The following CNTN4 variants were observed in gnomAD, a reference collection of about 807,000 sequenced individuals.
CNTN4 encodes contactin-4.
Under a neutral mutation model 122.5 loss-of-function variants are expected in CNTN4, and 77 were observed. That is an observed-to-expected ratio of 0.63 (90% CI 0.52 to 0.76). The LOEUF is 0.76. CNTN4 is among the 30% of genes least tolerant of loss of function. The pLI, the probability that CNTN4 is intolerant of heterozygous loss-of-function variation, is 0.00. For missense variants in CNTN4, 1,256 were observed against 1,259.1 expected (o/e 1.00, Z 0.04); for synonymous variants, 512 against 447.0 (o/e 1.15, Z -1.83).
intron 7 of CNTN4, among the ~76,000 whole-genome samples, chr3:2,854,268 C>CT (rs56147510): frequency 0.32 from 28,406 of 89,332 alleles, 4,872 homozygotes; most frequent in South Asian, 0.41. Flanking sequence ...CTTTCTTCTT[C>CT]TTTTTTTTTT....
At position 2,326,297 on chromosome 3, in the gene CNTN4, T is replaced by C. The variant is rs1167242590; in HGVS notation, c.-144-12881T>C. ...TTGAAACTGAAACATTGGCTCATCC[T>C]AGGTCTCACACCTGTCAGCCTTCAG... On this transcript the variant is annotated intron_variant, in intron 2 of 24. Transcript: ENST00000418658. Among the ~76,000 whole-genome samples the C allele has an allele frequency of 2.0e-5, 3 of 152,184 alleles. No homozygotes were observed. In the East Asian group the frequency reaches 5.8e-4, roughly 29 times the overall value.
intron 2 of CNTN4, among the ~76,000 whole-genome samples, chr3:2,216,808 T>C (rs1485533100): frequency 6.6e-6 from 1 of 152,158 alleles, no homozygotes; most frequent in African/African-American, 2.4e-5. Context: ...CACTCCATAG[T>C]TACGGCCTCT....
chr3:2,216,193 C>T (rs1452164090), intron 2 of CNTN4, among the ~76,000 whole-genome samples: 5 of 152,146 alleles, frequency 3.3e-5, no homozygotes, highest in African/African-American at 9.7e-5. Flanking sequence ...CACCACGAAA[C>T]ACTATGCAGC....
At chr3:2,546,324 CAAA>C (rs56849200) in intron 3 of CNTN4, among the ~76,000 whole-genome samples, 1 of 138,168 alleles carries the variant, frequency 7.2e-6, no homozygotes. Context: ...ACTATGCAGC[CAAA>C]AAAAAAAAAA....
intron 4 of CNTN4, among the ~76,000 whole-genome samples, chr3:2,602,446 A>G (rs1292427269): frequency 6.6e-6 from 1 of 152,124 alleles, no homozygotes; most frequent in Non-Finnish European, 1.5e-5. Flanking sequence ...CTATACACCA[A>G]TAACAGACAG....
chr3:2,243,270 G>C (rs930860307), intron 2 of CNTN4, among the ~76,000 whole-genome samples: 1 of 152,056 alleles, frequency 6.6e-6, no homozygotes, highest in Non-Finnish European at 1.5e-5. Flanking sequence ...GTAACTGTAT[G>C]TATTTTTCTT....
At chr3:2,274,067 A>C (rs1255950258) in intron 2 of CNTN4, among the ~76,000 whole-genome samples, 2 of 152,114 alleles carry the variant, frequency 1.3e-5, no homozygotes, top group East Asian at 3.9e-4. Flanking sequence ...GGTTCATGTC[A>C]TACCCACATC....
chr3:2,942,634 G>T lies in CNTN4; in HGVS notation c.1358+16855G>T, dbSNP rs76120159. Among the ~76,000 whole-genome samples the T allele has an allele frequency of 5.1e-3, 774 of 152,190 alleles. 1 individual carries two copies. Among genetic ancestry groups the T allele is most frequent in the Non-Finnish European group, 8.4e-3 (569 of 67,996 alleles). On this transcript the variant is annotated intron_variant, in intron 13 of 24. Coordinates refer to ENST00000418658, the MANE Select transcript of CNTN4 (RefSeq NM_175607.3). ...TTTTAATGGTGAAGCTTGATGTAAG[G>T]GTACAGTTGTAAATACTACATCAAT...
chr3:2,762,691 C>A (rs1379349666), intron 6 of CNTN4, among the ~76,000 whole-genome samples: 1 of 152,110 alleles, frequency 6.6e-6, no homozygotes, highest in Non-Finnish European at 1.5e-5. Flanking sequence ...GGTATATACA[C>A]AGTAATGGGA....
At chr3:2,419,455 G>A (rs2047537477) in intron 3 of CNTN4, among the ~76,000 whole-genome samples, 1 of 152,078 alleles carries the variant, frequency 6.6e-6, no homozygotes, top group South Asian at 2.1e-4. Context: ...CCTAGGCAGG[G>A]TACAGAATAA....
chr3:2,403,018 G>T (rs1033444627), intron 3 of CNTN4, among the ~76,000 whole-genome samples: 1 of 151,946 alleles, frequency 6.6e-6, no homozygotes, highest in Admixed American at 6.6e-5. Context: ...TCAAGGTGTC[G>T]GCAGGGTTCG....
intron 24 of CNTN4, 125 bp downstream of exon 24, chr3:3,054,100 AC>A (rs1171166794): frequency 1.0e-5 from 10 of 993,376 alleles, no homozygotes; most frequent in Admixed American, 4.0e-5. Flanking sequence ...GGAGAACACT[AC>A]CCCCCTTCTC....
chr3:2,785,885 G>T (rs2091791689), intron 6 of CNTN4, among the ~76,000 whole-genome samples: 1 of 38,260 alleles, frequency 2.6e-5, no homozygotes, highest in Non-Finnish European at 5.1e-5. Flanking sequence ...GAACCACCCT[G>T]GCCCACGCTG....
chr3:2,171,264 A>AT (rs1270748369), intron 2 of CNTN4, among the ~76,000 whole-genome samples: 1 of 152,186 alleles, frequency 6.6e-6, no homozygotes, highest in Non-Finnish European at 1.5e-5. Context: ...ACTTTAAATA[A>AT]TGATAAGGTG....
At chr3:2,857,167 G>A (rs1338417256) in intron 7 of CNTN4, among the ~76,000 whole-genome samples, 4 of 152,228 alleles carry the variant, frequency 2.6e-5, no homozygotes, top group Admixed American at 1.3e-4. Flanking sequence ...GGGCATAAGT[G>A]TGGAGCTGAA....
chr3:2,544,172 A>G (rs1045019601), intron 3 of CNTN4, among the ~76,000 whole-genome samples: 1 of 152,172 alleles, frequency 6.6e-6, no homozygotes, highest in Non-Finnish European at 1.5e-5. Context: ...GCCAATATTC[A>G]TGATTGTCCC....
At chr3:2,135,701 G>C (rs115272788) in intron 2 of CNTN4, among the ~76,000 whole-genome samples, 1 of 151,686 alleles carries the variant, frequency 6.6e-6, no homozygotes, top group African/African-American at 2.4e-5. Context: ...GGAACCTTAT[G>C]ATGTAAAATA....
chr3:2,177,868 C>G (rs917922332), intron 2 of CNTN4, among the ~76,000 whole-genome samples: 1 of 152,062 alleles, frequency 6.6e-6, no homozygotes, highest in Admixed American at 6.6e-5. Context: ...AACAACTGGG[C>G]CCCAGAGCCT....
intron 3 of CNTN4, among the ~76,000 whole-genome samples, chr3:2,452,189 G>A (rs983120438): frequency 3.9e-5 from 6 of 152,128 alleles, no homozygotes; most frequent in Admixed American, 2.6e-4. Context: ...GCTATCTACT[G>A]CTATTTGATC....
Sources: allele counts gnomAD v4.1 joint callset (sites outside exome capture counted in the v4.1 genomes callset), GRCh38; gene constraint gnomAD v4.1.1; transcripts MANE v1.5; gene names NCBI Gene and HGNC (gene_info 2026-07-23, HGNC 2026-07-21).